POLN: variants seen among roughly 807,000 people sequenced by gnomAD.
POLN encodes the protein DNA polymerase N.
POLN carries 108 observed loss-of-function variants against 113.5 expected under a neutral mutation model. The observed-to-expected ratio is 0.95, with a 90% CI of 0.81 to 1.12. The LOEUF is 1.12. Ranked by LOEUF, POLN falls within the 50% of genes most tolerant of loss-of-function variation. The pLI, the probability that POLN is intolerant of heterozygous loss-of-function variation, is 0.00. For missense variants in POLN, 1,097 were observed against 1,077.1 expected, an observed-to-expected ratio of 1.02 and a Z score of -0.26; for synonymous variants, 386 against 391.5, an observed-to-expected ratio of 0.99 and a Z score of 0.17.
chr4:2,189,638 C>CA (rs776990379), intron 7 of POLN, among the ~76,000 whole-genome samples: 9,592 of 139,722 alleles, frequency 0.069, 599 homozygotes, highest in African/African-American at 0.15. Flanking sequence ...GACTCCATCT[C>CA]AAACAAAAAA....
chr4:2,159,268 C>T (rs1732518515), intron 13 of POLN, 57 bp from the exon 14 acceptor site: 25 of 1,380,840 alleles, frequency 1.8e-5, no homozygotes, highest in South Asian at 1.5e-4. Flanking sequence ...ATTTTAAACA[C>T]GTATTTTCAT....
chr4:2,110,564 A>G (rs1174617741), intron 19 of POLN, among the ~76,000 whole-genome samples: 4 of 152,240 alleles, frequency 2.6e-5, no homozygotes, highest in Non-Finnish European at 4.4e-5. Context: ...GGATATCACC[A>G]CCGATCCCAC....
At chr4:2,084,033 G>C (rs879327780) in intron 21 of POLN, among the ~76,000 whole-genome samples, 48 of 152,254 alleles carry the variant, frequency 3.2e-4, no homozygotes, top group Non-Finnish European at 6.3e-4. Flanking sequence ...CTGGTGGCCA[G>C]AGAGGCATCT....
At chr4:2,168,002 G>A (rs1045701200) in intron 13 of POLN, among the ~76,000 whole-genome samples, 3 of 152,040 alleles carry the variant, frequency 2.0e-5, no homozygotes, top group African/African-American at 7.2e-5. Context: ...GATGGTCAAA[G>A]AATTATAACA....
intron 19 of POLN, among the ~76,000 whole-genome samples, chr4:2,119,437 G>GTA (rs71167777): frequency 6.6e-6 from 1 of 151,714 alleles, no homozygotes; most frequent in Admixed American, 6.6e-5. Context: ...GTGTGTGTGT[G>GTA]AAGCTGCTGG....
chr4:2,089,881 A>G, intron 20 of POLN: 1 of 988,814 alleles, frequency 1.0e-6, no homozygotes, highest in South Asian at 1.4e-5. Context: ...TGTAGATGAC[A>G]ATCTGACTGA....
intron 22 of POLN, 101 bp from the exon 23 acceptor site, chr4:2,081,137 A>G (rs990907897): frequency 2.5e-6 from 4 of 1,603,288 alleles, no homozygotes; most frequent in Admixed American, 3.3e-5. Context: ...ACCTCCACAC[A>G]GAGGTGCTGG....
chr4:2,140,482 C>T (rs1731971920), intron 16 of POLN, among the ~76,000 whole-genome samples: 1 of 152,230 alleles, frequency 6.6e-6, no homozygotes, highest in South Asian at 2.1e-4. Flanking sequence ...CGCAGTGGCT[C>T]ATGCCTGTAA....
In POLN at chr4:2,104,721, A is replaced by G. The variant is rs141288718; in HGVS notation, c.1983-8788T>C. 4.0e-3 allele frequency among the ~76,000 whole-genome samples: 603 copies of G among 152,316 alleles called. 6 individuals are homozygous for G. Among genetic ancestry groups the G allele is most frequent in the Admixed American group, 8.0e-3 (122 of 15,298 alleles). On this transcript the variant is annotated intron_variant, in intron 19 of 25. Transcript: ENST00000511885. The stretch of plus-strand genomic sequence containing the variant: ...GCAAGTGGCATCTCCCTCTTATAGT[A>G]AAAGCTGTCCCAGTCAGACCACGTG...
chr4:2,086,818 A>C (rs1730561680), intron 20 of POLN, among the ~76,000 whole-genome samples: 1 of 151,952 alleles, frequency 6.6e-6, no homozygotes, highest in Non-Finnish European at 1.5e-5. Context: ...TGATAGGTAA[A>C]CTCTAGGGTT....
At chr4:2,109,871 TG>T in intron 19 of POLN, among the ~76,000 whole-genome samples, 1 of 152,248 alleles carries the variant, frequency 6.6e-6, no homozygotes, top group Admixed American at 6.5e-5. Context: ...TCTCCTTTCT[TG>T]GTTATTTTGG....
At chr4:2,228,257 A>C (rs987261132) in intron 3 of POLN, 1 of 159,974 alleles carries the variant, frequency 6.3e-6, no homozygotes, top group Non-Finnish European at 1.4e-5. Context: ...AAAAAAAAAA[A>C]AAACACCAAC....
At position 2,200,722 on chromosome 4, in the gene POLN, G is replaced by C. The variant is rs184389461; in HGVS notation, c.715-2005C>G. 7.9e-5 allele frequency among the ~76,000 whole-genome samples: 12 copies of C among 152,252 alleles called. No individual in the cohort carries two copies. The East Asian group carries it at 1.9e-3, about 25-fold the overall frequency. On this transcript the variant is annotated intron_variant, in intron 5 of 25. Transcript: ENST00000511885. ...ATAAAAGAATCTGAACAACAGCCTTGAGTCCTAGACCTTCCCTCTGACAGA... is the reference window on the plus strand; with the variant it reads ...ATAAAAGAATCTGAACAACAGCCTTCAGTCCTAGACCTTCCCTCTGACAGA...
At chr4:2,079,192 A>G in intron 23 of POLN, 1 of 190,530 alleles carries the variant, frequency 5.2e-6, no homozygotes, top group Non-Finnish European at 9.7e-6. Context: ...TCGGCCTCCC[A>G]AATGCTGGGA....
At chr4:2,178,053 A>C (rs1474296529) in intron 8 of POLN, among the ~76,000 whole-genome samples, 1 of 152,258 alleles carries the variant, frequency 6.6e-6, no homozygotes, top group Non-Finnish European at 1.5e-5. Context: ...GCATTTCTGC[A>C]ACTTATAACC....
intron 19 of POLN, among the ~76,000 whole-genome samples, chr4:2,107,004 A>G (rs1731081481): frequency 6.6e-6 from 1 of 152,158 alleles, no homozygotes; most frequent in Non-Finnish European, 1.5e-5. Flanking sequence ...TAACATCTTC[A>G]TAAAATTGAA....
At chr4:2,088,928 G>A in intron 20 of POLN, 1 of 1,142,384 alleles carries the variant, frequency 8.8e-7, no homozygotes, top group Non-Finnish European at 1.3e-6. Flanking sequence ...GGCAAAAGCT[G>A]AAGGTCTAGC....
chr4:2,172,571 T>C (rs1732890436), intron 11 of POLN, among the ~76,000 whole-genome samples: 1 of 152,224 alleles, frequency 6.6e-6, no homozygotes, highest in Admixed American at 6.5e-5. Context: ...GTCTGCTCTT[T>C]CACCTCTTCT....
intron 19 of POLN, among the ~76,000 whole-genome samples, chr4:2,100,336 A>G (rs1468775321): frequency 1.3e-5 from 2 of 152,204 alleles, no homozygotes; most frequent in East Asian, 3.8e-4. Flanking sequence ...AGGAGAGTCA[A>G]TAGCTTTCCT....
Sources: gnomAD v4.1 joint callset for allele counts (sites outside exome capture counted in the v4.1 genomes callset) on GRCh38, gnomAD v4.1.1 for gene constraint, MANE v1.5 for transcripts, NCBI Gene and HGNC (gene_info 2026-07-23, HGNC 2026-07-21) for gene names.